IGSF21: variants seen among roughly 807,000 people sequenced by gnomAD.
IGSF21 encodes the protein immunoglobin superfamily member 21.
IGSF21 carries 28 observed loss-of-function variants against 46.8 expected under a neutral mutation model. That is an observed-to-expected ratio of 0.60 (90% CI 0.44 to 0.82). The LOEUF (loss-of-function observed/expected upper bound fraction) is 0.82. Ranked by LOEUF, IGSF21 falls within the 40% of genes least tolerant of loss-of-function variation. The pLI is 0.00. For missense variants in IGSF21, 624 were observed against 665.5 expected (o/e 0.94, Z 0.69); for synonymous variants, 284 against 273.6 (o/e 1.04, Z -0.38).
chr1:18,263,291 T>C (rs1049242749), intron 2 of IGSF21, among the ~76,000 whole-genome samples: 1 of 152,146 alleles, frequency 6.6e-6, no homozygotes, highest in African/African-American at 2.4e-5. Flanking sequence ...CCATTTGGCT[T>C]TCTCAACCTA....
chr1:18,267,443 C>T (rs1188468718), intron 2 of IGSF21, among the ~76,000 whole-genome samples: 1 of 152,144 alleles, frequency 6.6e-6, no homozygotes, highest in African/African-American at 2.4e-5. Context: ...CCTGCCCTGG[C>T]CTCCCACTTG....
chr1:18,365,481 G>C lies in IGSF21; in HGVS notation c.799G>C (p.Glu267Gln), dbSNP rs139257824. The change falls in exon 6 of 10, where the codon GAG becomes CAG. Residue 267 changes from glutamate to glutamine, a missense_variant. Glu to Gln is a conservative substitution (Grantham distance 29). Coordinates refer to ENST00000251296, the MANE Select transcript of IGSF21 (RefSeq NM_032880.5). The surrounding 1 kb of genome is among the most constrained non-coding windows in gnomAD (Gnocchi z 4.8). ...CCAGCCAACCACAGAGAACATACCA[G>C]AGACGGTCGTGAGCCGTGAGTTTCC... is the stretch of plus-strand genomic sequence containing the variant. ...LLQPTTENIP[E>Q]TVVSREFPRW... The C allele has an allele frequency of 6.2e-7, 1 of 1,614,036 alleles. No individual in the cohort carries two copies. The highest frequency in any genetic ancestry group is 8.5e-7 in the Non-Finnish European group (1 of 1,180,022).
intron 1 of IGSF21, among the ~76,000 whole-genome samples, chr1:18,180,359 C>A (rs1172260437): frequency 6.6e-6 from 1 of 152,152 alleles, no homozygotes; most frequent in Non-Finnish European, 1.5e-5. Context: ...CAGTTACAAC[C>A]ATCTTTGTGC....
At chr1:18,263,444 G>C (rs2084964604) in intron 2 of IGSF21, among the ~76,000 whole-genome samples, 1 of 151,232 alleles carries the variant, frequency 6.6e-6, no homozygotes. Flanking sequence ...TTTTGAACCA[G>C]GCGAATGCAC....
intron 8 of IGSF21, 111 bp from the exon 9 acceptor site, chr1:18,377,282 C>A: frequency 9.9e-7 from 1 of 1,013,272 alleles, no homozygotes; most frequent in Non-Finnish European, 1.6e-6. Flanking sequence ...TGTGGCTGCA[C>A]TGAGACAGTG....
intron 4 of IGSF21, among the ~76,000 whole-genome samples, chr1:18,352,595 C>T (rs1420289533): frequency 6.6e-6 from 1 of 152,208 alleles, no homozygotes; most frequent in Non-Finnish European, 1.5e-5. Flanking sequence ...TGTGGCCGCC[C>T]ACCACCCCTT....
chr1:18,373,056 G>A (rs926253086), intron 6 of IGSF21, among the ~76,000 whole-genome samples: 1 of 152,154 alleles, frequency 6.6e-6, no homozygotes, highest in Admixed American at 6.6e-5. Context: ...CATTCCCTGA[G>A]CAGATAGACA....
chr1:18,372,618 T>TTGGATCGA (rs1553167509), intron 6 of IGSF21, among the ~76,000 whole-genome samples: 4 of 85,896 alleles, frequency 4.7e-5, no homozygotes, highest in African/African-American at 1.5e-4. Context: ...GGGTGGATGT[T>TTGGATCGA]TGGATGGATG....
intron 1 of IGSF21, among the ~76,000 whole-genome samples, chr1:18,200,370 G>A (rs1020580973): frequency 1.3e-5 from 2 of 152,204 alleles, no homozygotes; most frequent in East Asian, 1.9e-4. Flanking sequence ...AACAGCAGAA[G>A]TTATTGTTTC....
chr1:18,308,623 G>A (rs937749183), intron 3 of IGSF21, among the ~76,000 whole-genome samples: 2 of 152,224 alleles, frequency 1.3e-5, no homozygotes, highest in Admixed American at 6.5e-5. Context: ...TTATAGTACA[G>A]TGTGCAAGCT....
At chr1:18,351,385 G>A (rs751155256) in intron 4 of IGSF21, among the ~76,000 whole-genome samples, 1 of 152,172 alleles carries the variant, frequency 6.6e-6, no homozygotes. Context: ...CTGTGACCTC[G>A]AGCCAGGTTT....
intron 1 of IGSF21, among the ~76,000 whole-genome samples, chr1:18,144,957 T>A: frequency 6.6e-6 from 1 of 152,230 alleles, no homozygotes; most frequent in Middle Eastern, 3.4e-3. Flanking sequence ...GAGTCCCGGG[T>A]GCCTCAAAAA....
At position 18,309,773 on chromosome 1, in the gene IGSF21, G is replaced by A. The variant is rs193293302; in HGVS notation, c.305+17786G>A. On this transcript the variant is annotated intron_variant, in intron 3 of 9. Transcript: ENST00000251296. Reference sequence around the variant, plus strand: ...CTGCGGTCTGACAGAGGAAATACCAGGGTGCCCTGGGAGGGCTGGAGCTGC... The same window carrying A: ...CTGCGGTCTGACAGAGGAAATACCAAGGTGCCCTGGGAGGGCTGGAGCTGC... Among the ~76,000 whole-genome samples, 6 of 152,308 alleles carry A rather than the reference G, an allele frequency of 3.9e-5. No individual in the cohort carries two copies. The East Asian group carries it at 1.2e-3, about 29-fold the overall frequency.
At chr1:18,220,328 A>G (rs987633738) in intron 1 of IGSF21, among the ~76,000 whole-genome samples, 1 of 152,122 alleles carries the variant, frequency 6.6e-6, no homozygotes, top group Non-Finnish European at 1.5e-5. Flanking sequence ...GGATACTCCA[A>G]GCTGGCAGCA....
At chr1:18,167,013 A>AACCGTCTTTACCTGAAACAGGC (rs2086685765) in intron 1 of IGSF21, 1 of 153,250 alleles carries the variant, frequency 6.5e-6, no homozygotes, top group Non-Finnish European at 1.5e-5. Flanking sequence ...TGGAAACAGG[A>AACCGTCTTTACCTGAAACAGGC]ACCGTCTTTA....
intron 3 of IGSF21, among the ~76,000 whole-genome samples, chr1:18,321,583 G>C (rs1248785409): frequency 6.6e-6 from 1 of 152,156 alleles, no homozygotes; most frequent in Non-Finnish European, 1.5e-5. Flanking sequence ...TTGGCTGGGG[G>C]CCCACTACTT....
chr1:18,275,108 A>G (rs223189), intron 2 of IGSF21, among the ~76,000 whole-genome samples: 4,710 of 152,314 alleles, frequency 0.031, 243 homozygotes, highest in African/African-American at 0.11. Flanking sequence ...CCTCTTCTTA[A>G]AAACCGATTA....
intron 2 of IGSF21, among the ~76,000 whole-genome samples, chr1:18,260,814 T>A (rs1388795827): frequency 6.6e-6 from 1 of 152,224 alleles, no homozygotes; most frequent in Non-Finnish European, 1.5e-5. Flanking sequence ...GCCCTGCCTC[T>A]GGAGTCCAGT....
At chr1:18,353,705 A>G (rs1268982772) in intron 4 of IGSF21, among the ~76,000 whole-genome samples, 2 of 152,218 alleles carry the variant, frequency 1.3e-5, no homozygotes, top group Admixed American at 6.5e-5. Context: ...AAAGACTTCA[A>G]ACAGGGGAAG....
Sources: gnomAD v4.1 joint callset for allele counts (sites outside exome capture counted in the v4.1 genomes callset) on GRCh38, gnomAD v4.1.1 for gene constraint, Gnocchi (gnomAD v3.1) non-coding constraint, MANE v1.5 for transcripts, NCBI Gene and HGNC (gene_info 2026-07-23, HGNC 2026-07-21) for gene names.